Variants in CDC42BPB observed in about 807,000 individuals in gnomAD.
CDC42BPB encodes the protein serine/threonine-protein kinase MRCK beta.
CDC42BPB carries 37 observed loss-of-function variants against 214.9 expected under a neutral mutation model. The observed-to-expected ratio is 0.17, with a 90% CI of 0.13 to 0.23. The LOEUF is 0.23. CDC42BPB is among the 10% of genes least tolerant of loss of function. The pLI is 1.00. For missense variants in CDC42BPB, 1,694 were observed against 2,227.0 expected (o/e 0.76, Z 4.82); for synonymous variants, 931 against 884.0 (o/e 1.05, Z -0.94).
intron 23 of CDC42BPB, 144 bp downstream of exon 23, chr14:102,954,054 T>C: frequency 1.5e-6 from 1 of 655,754 alleles, no homozygotes; most frequent in East Asian, 2.8e-5. Context: ...ACAACTTTCC[T>C]ACAGAACATG....
In CDC42BPB at chr14:102,946,690, T is replaced by G. The variant is rs1366785285; in HGVS notation, c.3532-6A>C. On this transcript the variant is annotated splice_polypyrimidine_tract_variant and splice_region_variant and intron_variant, in intron 27 of 36. Coordinates refer to ENST00000361246, the MANE Select transcript of CDC42BPB (RefSeq NM_006035.4). ...CCTAAGAGAGAGGCCGTCACCTTCA[T>G]GACAGGAAACAGAAGAGAAGAGAGA... 1.9e-6 allele frequency: 3 copies of G among 1,612,500 alleles called. No individual in the cohort carries two copies. The Admixed American group carries it at 5.0e-5, about 27-fold the overall frequency.
chr14:103,014,083 G>A (rs1160421054), intron 1 of CDC42BPB, among the ~76,000 whole-genome samples: 1 of 151,286 alleles, frequency 6.6e-6, no homozygotes, highest in Non-Finnish European at 1.5e-5. Context: ...GGAGAATGGC[G>A]TGAACCTGGG....
intron 13 of CDC42BPB, among the ~76,000 whole-genome samples, chr14:102,970,977 CT>C (rs1328929426): frequency 1.3e-5 from 2 of 152,230 alleles, no homozygotes; most frequent in Non-Finnish European, 2.9e-5. Flanking sequence ...CTAAGCATCG[CT>C]TACAATATGT....
Position 102,976,052 on chromosome 14 carries a change from G to C in CDC42BPB, c.1221-3C>G, listed in dbSNP as rs763654365. 1 of 1,606,934 alleles carries C rather than the reference G, an allele frequency of 6.2e-7. No individual in the cohort carries two copies. The highest frequency in any genetic ancestry group is 8.5e-7 in the Non-Finnish European group (1 of 1,174,510). On this transcript the variant is annotated splice_polypyrimidine_tract_variant and splice_region_variant and intron_variant, in intron 9 of 36. Transcript: ENST00000361246. ...GAGAGCCTCGATCAGAAAAACAGCT[G>C]GGAAACCAAGCAACAGGTTTTTTTG... is the stretch of plus-strand genomic sequence containing the variant.
In CDC42BPB at chr14:102,944,407, C is replaced by T; in HGVS notation, c.3892G>A (p.Gly1298Ser). Residue 1298 changes from glycine to serine, a missense_variant, in exon 30 of 37, where the codon GGC becomes AGC. This residue lies in a region of CDC42BPB where 567 missense variants were observed against 790.3 expected (regional missense o/e 0.72). Transcript: ENST00000361246. This position sits in a 1 kb window ranked among gnomAD's most constrained non-coding sequence, Gnocchi z 6.6. ...PREKIVILLCGRNHHVHLYPW... is the reference protein window; with the variant it reads ...PREKIVILLCSRNHHVHLYPW... ...TAGAGGTGCACATGGTGGTTCCGGC[C>T]ACAGAGGAGGATTACGATCTTCTCC... is the stretch of plus-strand genomic sequence containing the variant. 6 of 1,613,102 alleles carry T rather than the reference C, an allele frequency of 3.7e-6. No individual in the cohort carries two copies. Among genetic ancestry groups the T allele is most frequent in the Non-Finnish European group, 5.1e-6 (6 of 1,180,008 alleles).
intron 1 of CDC42BPB, among the ~76,000 whole-genome samples, chr14:103,032,535 C>CAAAAAAAAAAAAAAAAAAAAAAGA (rs570009408): frequency 2.2e-5 from 1 of 45,058 alleles, no homozygotes; most frequent in African/African-American, 5.2e-5. Context: ...AAATAAACTG[C>CAAAAAAAAAAAAAAAAAAAAAAGA]AAAAAAAAAA....
chr14:102,969,134 G>T (rs1426747923), intron 14 of CDC42BPB, among the ~76,000 whole-genome samples: 2 of 152,192 alleles, frequency 1.3e-5, no homozygotes, highest in African/African-American at 4.8e-5. Flanking sequence ...AGGGAGTGGA[G>T]GGCGTGCCAG....
rs796461752 is a variant in CDC42BPB, at chr14:103,025,506, T to TA, written c.176-13319dup. 7.7e-3 allele frequency among the ~76,000 whole-genome samples: 1,014 copies of TA among 131,532 alleles called. 10 individuals carry two copies. Among genetic ancestry groups the TA allele is most frequent in the African/African-American group, 0.018 (642 of 35,488 alleles). The allele number at this position is 131,532 out of a possible 152,430, so 86.3% of individuals were successfully genotyped here. A position where few individuals can be genotyped will look rare whatever the true frequency, so the allele number is the denominator to read the frequency against. ...ATTCATGTAATGAACTAGTACACAT[T>TA]AAAAAAAAAAAAAGAAAAAAAAAAG... On this transcript the variant is annotated intron_variant, in intron 1 of 36. Transcript: ENST00000361246.
chr14:102,957,920 T>C (rs376229754), intron 21 of CDC42BPB, among the ~76,000 whole-genome samples: 1 of 152,330 alleles, frequency 6.6e-6, no homozygotes, highest in Admixed American at 6.5e-5. Flanking sequence ...CAGCTCCTCC[T>C]GAGGAGAGTT....
At chr14:103,055,625 G>C (rs1330969404) in intron 1 of CDC42BPB, among the ~76,000 whole-genome samples, 3 of 152,214 alleles carry the variant, frequency 2.0e-5, no homozygotes, top group Non-Finnish European at 4.4e-5. Flanking sequence ...AAGCATCACA[G>C]GCTGTCCTTG....
intron 1 of CDC42BPB, among the ~76,000 whole-genome samples, chr14:103,048,686 C>CGACA (rs1367955730): frequency 6.8e-6 from 1 of 147,594 alleles, no homozygotes; most frequent in Non-Finnish European, 1.5e-5. Context: ...CCAGCCTGGG[C>CGACA]GACAGAGCAA....
intron 12 of CDC42BPB, 190 bp from the exon 13 acceptor site, chr14:102,972,351 A>T (rs1893514178): frequency 1.0e-6 from 1 of 985,246 alleles, no homozygotes; most frequent in African/African-American, 1.7e-5. Context: ...GGCAATGGGA[A>T]GGCCGCCTGG....
At position 102,939,924 on chromosome 14, in the gene CDC42BPB, T is replaced by C. The variant is rs1216698851; in HGVS notation, c.4615A>G (p.Thr1539Ala). ...FSGAVLNVPD[T>A]SDNSKKQMLR... ...ATCTGCTTCTTGCTGTTGTCGGAGG[T>C]GTCCGGCACGTTGAGAACCGCTCCT... is the stretch of plus-strand genomic sequence containing the variant. Residue 1539 changes from threonine (T) to alanine (A), a missense_variant, in exon 33 of 37, where the codon ACC becomes GCC. Physicochemically the swap from Thr to Ala is moderately conservative, Grantham distance 58. Transcript: ENST00000361246. 6.8e-6 allele frequency: 11 copies of C among 1,613,752 alleles called. No individual in the cohort carries two copies. The highest frequency in any genetic ancestry group is 4.0e-5 in the African/African-American group (3 of 74,892).
At chr14:103,041,289 A>G (rs1202315177) in intron 1 of CDC42BPB, among the ~76,000 whole-genome samples, 2 of 152,270 alleles carry the variant, frequency 1.3e-5, no homozygotes, top group Non-Finnish European at 2.9e-5. Context: ...AATTGATCAA[A>G]GAACTAAACG....
In CDC42BPB at chr14:102,944,289, T is replaced by C. The variant is rs768628164; in HGVS notation, c.4010A>G (p.Lys1337Arg). The change falls in exon 30 of 37, where the codon AAG (lysine) becomes AGG (arginine). Residue 1337 changes from lysine (K) to arginine (R), a missense_variant. Physicochemically the swap from Lys to Arg is conservative, Grantham distance 26. Transcript: ENST00000361246. This position sits in a 1 kb window ranked among gnomAD's most constrained non-coding sequence, Gnocchi z 6.6. Reference sequence around the variant, plus strand: ...AAACAGGCAGGTGCCAGAGTTCCTCTTGAGTGTGGCCGTGGCCATGAGCTG... The same window carrying C: ...AAACAGGCAGGTGCCAGAGTTCCTCCTGAGTGTGGCCGTGGCCATGAGCTG... ...GCQLMATATL[K>R]RNSGTCLFVA... 5 of 1,613,136 alleles carry C rather than the reference T, an allele frequency of 3.1e-6. No homozygotes were observed. The highest frequency in any genetic ancestry group is 3.3e-5 in the Admixed American group (2 of 60,022).
At chr14:103,047,279 CAAAAAAA>C (rs397852207) in intron 1 of CDC42BPB, among the ~76,000 whole-genome samples, 3 of 93,468 alleles carry the variant, frequency 3.2e-5, no homozygotes, top group East Asian at 3.8e-4. Context: ...GTAATACTCT[CAAAAAAA>C]AAAAAAAAAA....
intron 1 of CDC42BPB, among the ~76,000 whole-genome samples, chr14:103,020,585 C>G (rs1207903403): frequency 1.3e-5 from 2 of 152,202 alleles, no homozygotes; most frequent in Non-Finnish European, 2.9e-5. Context: ...ATCCGGACCT[C>G]CTGCAGAGAG....
chr14:102,975,653 A>G, intron 11 of CDC42BPB, 31 bp downstream of exon 11: 1 of 1,607,820 alleles, frequency 6.2e-7, no homozygotes, highest in South Asian at 1.1e-5. Flanking sequence ...CCAAAAATAG[A>G]GACTAAGAAG....
In CDC42BPB at chr14:102,963,192, A is replaced by G. The variant is rs1446437490; in HGVS notation, c.2727-37T>C. On this transcript the variant is annotated intron_variant, in intron 19 of 36. Transcript: ENST00000361246. ...AATAAATGGCTTTAAGTGCACTGAG[A>G]AGAGGTTGTCTGTGAGCTGGTATGG... 14 of 1,564,638 alleles carry G rather than the reference A, an allele frequency of 8.9e-6. No individual in the cohort carries two copies. In the Admixed American group the frequency reaches 2.1e-4, roughly 23 times the overall value.
Sources: allele counts gnomAD v4.1 joint callset (sites outside exome capture counted in the v4.1 genomes callset), GRCh38; gene constraint gnomAD v4.1.1; regional missense constraint gnomAD v4.1.1; non-coding constraint Gnocchi (gnomAD v3.1); transcripts MANE v1.5; gene names NCBI Gene and HGNC (gene_info 2026-07-23, HGNC 2026-07-21).